Variants in NCOR2 observed in about 807,000 individuals in gnomAD.
The protein encoded by NCOR2 is nuclear receptor corepressor 2.
NCOR2 carries 81 observed loss-of-function variants against 262.9 expected under a neutral mutation model. That is an observed-to-expected ratio of 0.31 (90% confidence interval 0.26 to 0.37). NCOR2 has a LOEUF of 0.37. Ranked by LOEUF, NCOR2 falls within the 10% of genes least tolerant of loss-of-function variation. NCOR2 has a pLI of 1.00. For synonymous variants in NCOR2, 1,659 were observed against 1,559.3 expected (o/e 1.06, Z -1.51); for missense variants, 3,385 against 3,621.4 (o/e 0.93, Z 1.68).
intron 20 of NCOR2, 68 bp from the exon 23 acceptor site, chr12:124,363,867 C>T (rs2038807004): frequency 1.9e-5 from 24 of 1,267,748 alleles, no homozygotes; most frequent in African/African-American, 3.0e-5. Context: ...GGGGGCTGCC[C>T]GGTTTTGATG....
chr12:124,394,267 G>A (rs982378774), intron 16 of NCOR2, among the ~76,000 whole-genome samples: 1 of 152,236 alleles, frequency 6.6e-6, no homozygotes, highest in Non-Finnish European at 1.5e-5. Context: ...TGCCTCATCT[G>A]AGAGAACGAT....
rs372798282 is a variant in NCOR2, at chr12:124,384,815, G to C, written c.2019+930C>G. Among the ~76,000 whole-genome samples the C allele has an allele frequency of 3.9e-5, 6 of 152,022 alleles. No individual in the cohort carries two copies. The East Asian group carries it at 9.7e-4, about 25-fold the overall frequency. ...CCGATGTCATGGTTTGGGAGTGGCG[G>C]GGGGAGGAGTAGTCCTGGGGGAGGG... On this transcript the variant is annotated intron_variant, in intron 17 of 46. Transcript: ENST00000405201.
chr12:124,343,377 C>T (rs1002708704), intron 32 of NCOR2, 151 bp from the exon 35 acceptor site: 7 of 620,622 alleles, frequency 1.1e-5, no homozygotes, highest in African/African-American at 3.7e-5. Flanking sequence ...TGCTCACTGA[C>T]TCATTTGCTT....
At chr12:124,410,451 C>T (rs908926631) in intron 13 of NCOR2, among the ~76,000 whole-genome samples, 5 of 151,790 alleles carry the variant, frequency 3.3e-5, no homozygotes, top group African/African-American at 1.2e-4. Flanking sequence ...GGGCAGGAAA[C>T]CAGAGACATC....
intron 13 of NCOR2, among the ~76,000 whole-genome samples, chr12:124,404,235 G>A (rs932854520): frequency 3.3e-5 from 5 of 152,338 alleles, no homozygotes; most frequent in African/African-American, 4.8e-5. Flanking sequence ...GGCTGGCTGG[G>A]GAGAGAGCCT....
chr12:124,438,766 GACCC>G (rs1268672840), intron 7 of NCOR2, among the ~76,000 whole-genome samples: 2 of 119,398 alleles, frequency 1.7e-5, no homozygotes, highest in Non-Finnish European at 3.6e-5. Flanking sequence ...GAGAGACAGA[GACCC>G]AGAGAGACAG....
rs1485641996 is a variant in NCOR2, at chr12:124,517,256, C to A, written c.-118+18309G>T. 6.6e-6 allele frequency among the ~76,000 whole-genome samples: 1 copy of A among 152,184 alleles called. No homozygotes were observed. The highest frequency in any genetic ancestry group is 1.5e-5 in the Non-Finnish European group (1 of 68,034). On this transcript the variant is annotated intron_variant, in intron 1 of 46. Coordinates refer to the NCOR2 transcript ENST00000404621. The surrounding 1 kb of genome is among the most constrained non-coding windows in gnomAD (Gnocchi z 7.6). ...CAACATTGCCTGGAAGCCCAGCCCC[C>A]TCCCTTCCCCAGCCTGGGCTCAGAG...
intron 2 of NCOR2, among the ~76,000 whole-genome samples, chr12:124,484,531 G>A (rs1439736303): frequency 1.3e-5 from 2 of 152,182 alleles, no homozygotes; most frequent in Non-Finnish European, 2.9e-5. Flanking sequence ...TTTCCCAGAG[G>A]CTAAGCAGGG....
At chr12:124,353,482 C>T (rs934168671) in intron 27 of NCOR2, among the ~76,000 whole-genome samples, 1 of 152,350 alleles carries the variant, frequency 6.6e-6, no homozygotes, top group East Asian at 1.9e-4. Context: ...CATCTTGTTG[C>T]CCGAAGCTCC....
chr12:124,388,657 C>T lies in NCOR2; in HGVS notation c.1877-2770G>A, dbSNP rs559376067. 4.4e-5 allele frequency: 57 copies of T among 1,304,128 alleles called. No individual in the cohort carries two copies. The African/African-American group carries it at 7.9e-4, about 18-fold the overall frequency. 80.8% of individuals were successfully genotyped at this position (1,304,128 alleles called of 1,614,324 possible). A position where few individuals can be genotyped will look rare whatever the true frequency, so the allele number is the denominator to read the frequency against. On this transcript the variant is annotated intron_variant, in intron 16 of 46. Coordinates refer to ENST00000405201, the Ensembl canonical transcript of NCOR2. Reference sequence around the variant, plus strand: ...CCCTGTCCCTGCACCCGCAGTCCCCCATCCCCTCCCCAGGACCACTCACTC... The same window carrying T: ...CCCTGTCCCTGCACCCGCAGTCCCCTATCCCCTCCCCAGGACCACTCACTC...
At chr12:124,431,872 G>GAA (rs2043968790) in intron 8 of NCOR2, among the ~76,000 whole-genome samples, 1 of 150,610 alleles carries the variant, frequency 6.6e-6, no homozygotes, top group South Asian at 2.1e-4. Context: ...TACACAGAGA[G>GAA]ACACACACAC....
At chr12:124,434,250 G>T (rs1174024023) in intron 8 of NCOR2, among the ~76,000 whole-genome samples, 1 of 151,952 alleles carries the variant, frequency 6.6e-6, no homozygotes, top group Non-Finnish European at 1.5e-5. Flanking sequence ...GGGTGAGGCA[G>T]GCACATCAGA....
intron 17 of NCOR2, among the ~76,000 whole-genome samples, chr12:124,384,637 G>C (rs2040658118): frequency 1.3e-5 from 2 of 152,186 alleles, no homozygotes; most frequent in Admixed American, 1.3e-4. Flanking sequence ...AGTTCAAACA[G>C]GGGGAGGCTA....
intron 1 of NCOR2, among the ~76,000 whole-genome samples, chr12:124,507,548 C>T (rs560325770): frequency 3.3e-5 from 5 of 152,178 alleles, no homozygotes; most frequent in Admixed American, 6.5e-5. Context: ...GTCTCTGGCC[C>T]ACCTCACCTC....
At chr12:124,388,863 G>T in intron 16 of NCOR2, 1 of 357,806 alleles carries the variant, frequency 2.8e-6, no homozygotes, top group East Asian at 1.1e-4. Flanking sequence ...TCCGTCCCAC[G>T]GTGAGGGAGG....
intron 5 of NCOR2, among the ~76,000 whole-genome samples, chr12:124,458,832 G>T (rs1269279853): frequency 6.6e-6 from 1 of 152,160 alleles, no homozygotes; most frequent in Non-Finnish European, 1.5e-5. Flanking sequence ...ACATCACCCG[G>T]AGAGTCAATG....
At chr12:124,563,908 A>C (rs1193691501) in intron 1 of NCOR2, among the ~76,000 whole-genome samples, 1 of 152,224 alleles carries the variant, frequency 6.6e-6, no homozygotes, top group Non-Finnish European at 1.5e-5. Context: ...TGCTGCACTA[A>C]CACGACCGTG....
At chr12:124,346,024 C>A (rs758995661) in intron 31 of NCOR2, among the ~76,000 whole-genome samples, 1 of 152,156 alleles carries the variant, frequency 6.6e-6, no homozygotes, top group South Asian at 2.1e-4. Flanking sequence ...TGTGGTGCAA[C>A]CTGCTGGTGG....
At chr12:124,347,537 C>T (rs1227171914) in intron 30 of NCOR2, 6 of 412,710 alleles carry the variant, frequency 1.5e-5, no homozygotes, top group East Asian at 3.8e-5. Flanking sequence ...TTCTGTAAAA[C>T]GATACGCAGG....
Sources: allele counts gnomAD v4.1 joint callset (sites outside exome capture counted in the v4.1 genomes callset), GRCh38; gene constraint gnomAD v4.1.1; non-coding constraint Gnocchi (gnomAD v3.1); transcripts MANE v1.5; gene names NCBI Gene and HGNC (gene_info 2026-07-23, HGNC 2026-07-21).